Variants in NRXN3 observed in about 807,000 individuals in gnomAD.
NRXN3 encodes the protein neurexin 3.
NRXN3 carries 32 observed loss-of-function variants against 137.6 expected under a neutral mutation model. That is an observed-to-expected ratio of 0.23 (90% confidence interval 0.18 to 0.31). The LOEUF is 0.31. Ranked by LOEUF, NRXN3 falls within the 10% of genes least tolerant of loss-of-function variation. The probability of loss-of-function intolerance (pLI) is 1.00; values close to 1 mark genes in which losing one functional copy is unlikely to be tolerated. For missense variants in NRXN3, 1,574 were observed against 2,062.5 expected (o/e 0.76, Z 4.59); for synonymous variants, 798 against 784.5 (o/e 1.02, Z -0.29).
chr14:79,367,143 C>G (rs1301399159), intron 15 of NRXN3, among the ~76,000 whole-genome samples: 1 of 152,052 alleles, frequency 6.6e-6, no homozygotes, highest in Non-Finnish European at 1.5e-5. Context: ...ACCACCACGC[C>G]TAGCTTATTT....
chr14:79,494,489 C>T (rs187049482), intron 16 of NRXN3, among the ~76,000 whole-genome samples: 2 of 152,218 alleles, frequency 1.3e-5, no homozygotes, highest in Admixed American at 6.5e-5. Flanking sequence ...CCTCCAACAC[C>T]GTCTTTCTTA....
intron 15 of NRXN3, among the ~76,000 whole-genome samples, chr14:79,404,599 A>G (rs533656305): frequency 6.6e-6 from 1 of 152,264 alleles, no homozygotes; most frequent in East Asian, 1.9e-4. Context: ...AATGGATTTA[A>G]ACTAGGGGCA....
chr14:78,308,267 T>C (rs1433529662), intron 4 of NRXN3, among the ~76,000 whole-genome samples: 1 of 152,132 alleles, frequency 6.6e-6, no homozygotes, highest in African/African-American at 2.4e-5. Flanking sequence ...GCCTTTTAAA[T>C]GGTTGCTAAT....
At chr14:79,471,680 T>G (rs2096509732) in intron 16 of NRXN3, among the ~76,000 whole-genome samples, 1 of 152,130 alleles carries the variant, frequency 6.6e-6, no homozygotes, top group African/African-American at 2.4e-5. Context: ...AAAGTGGCCA[T>G]GGCTAGTTTG....
intron 19 of NRXN3, among the ~76,000 whole-genome samples, chr14:79,769,042 A>G (rs1354382183): frequency 3.9e-5 from 6 of 151,930 alleles, no homozygotes; most frequent in African/African-American, 1.5e-4. Flanking sequence ...GATGAAATGA[A>G]TGAAATGAAG....
At chr14:79,499,251 C>G (rs2153669224) in intron 16 of NRXN3, among the ~76,000 whole-genome samples, 1 of 152,324 alleles carries the variant, frequency 6.6e-6, no homozygotes, top group African/African-American at 2.4e-5. Flanking sequence ...TACCACTTTC[C>G]TCCACATCTA....
chr14:79,240,592 C>G (rs573080220), intron 15 of NRXN3, among the ~76,000 whole-genome samples: 1 of 152,280 alleles, frequency 6.6e-6, no homozygotes, highest in South Asian at 2.1e-4. Context: ...AAAGAATAAA[C>G]TCAATGCACA....
At chr14:78,597,691 G>C (rs1480887958) in intron 4 of NRXN3, among the ~76,000 whole-genome samples, 1 of 152,202 alleles carries the variant, frequency 6.6e-6, no homozygotes, top group Non-Finnish European at 1.5e-5. Context: ...ATGGACTGGG[G>C]ATGGCTTTTC....
chr14:79,019,407 GAGAT>G (rs1268821405), intron 15 of NRXN3, among the ~76,000 whole-genome samples: 1 of 152,166 alleles, frequency 6.6e-6, no homozygotes, highest in African/African-American at 2.4e-5. Context: ...TTCAGTGAGA[GAGAT>G]AGTCAATAAA....
In NRXN3 at chr14:79,112,538, A is replaced by G. The variant is rs889062102; in HGVS notation, c.3262+124397A>G. Among the ~76,000 whole-genome samples, 93 of 152,238 alleles carry G rather than the reference A, an allele frequency of 6.1e-4. 2 individuals carry two copies. Among genetic ancestry groups the G allele is most frequent in the Middle Eastern group, 3.2e-3 (1 of 316 alleles). ...AATGAATAAACTAGGACACGGGATT[A>G]ATGTAAAGAACTGGCATCTTTGCTG... On this transcript the variant is annotated intron_variant, in intron 15 of 20. Coordinates refer to ENST00000335750, the MANE Select transcript of NRXN3 (RefSeq NM_001330195.2).
intron 4 of NRXN3, among the ~76,000 whole-genome samples, chr14:78,452,219 T>C (rs935023924): frequency 6.6e-6 from 1 of 152,208 alleles, no homozygotes; most frequent in Non-Finnish European, 1.5e-5. Flanking sequence ...GTTACTTGGC[T>C]CAAGTCTCAG....
At chr14:79,349,394 C>G (rs2093076403) in intron 15 of NRXN3, among the ~76,000 whole-genome samples, 1 of 151,612 alleles carries the variant, frequency 6.6e-6, no homozygotes, top group African/African-American at 2.4e-5. Flanking sequence ...GAACCCATTT[C>G]CAGAAAACGA....
intron 15 of NRXN3, among the ~76,000 whole-genome samples, chr14:79,262,074 G>T (rs969533447): frequency 1.3e-5 from 2 of 152,042 alleles, no homozygotes; most frequent in African/African-American, 2.4e-5. Context: ...GAAATGTGGA[G>T]GCTTGGAATG....
At chr14:78,240,173 A>G (rs2066898668) in intron 1 of NRXN3, among the ~76,000 whole-genome samples, 1 of 152,206 alleles carries the variant, frequency 6.6e-6, no homozygotes, top group Non-Finnish European at 1.5e-5. Flanking sequence ...ATGAGTTGGC[A>G]CCAGCATACT....
chr14:78,366,751 T>A (rs1278744036), intron 4 of NRXN3, among the ~76,000 whole-genome samples: 1 of 152,206 alleles, frequency 6.6e-6, no homozygotes, highest in Non-Finnish European at 1.5e-5. Flanking sequence ...GAGAACAGCA[T>A]GGAAAAGACC....
intron 15 of NRXN3, among the ~76,000 whole-genome samples, chr14:79,427,019 A>G (rs1315039860): frequency 1.3e-5 from 2 of 152,026 alleles, no homozygotes; most frequent in African/African-American, 4.8e-5. Context: ...GGGGTTGAAT[A>G]TTTTTCACTA....
intron 10 of NRXN3, among the ~76,000 whole-genome samples, chr14:78,867,676 A>G (rs2099090632): frequency 6.6e-6 from 1 of 152,156 alleles, no homozygotes; most frequent in African/African-American, 2.4e-5. Context: ...GAATGTCCTT[A>G]TCTCTGAAAA....
chr14:78,800,815 T>C (rs2098836591), intron 8 of NRXN3, among the ~76,000 whole-genome samples: 1 of 152,214 alleles, frequency 6.6e-6, no homozygotes, highest in South Asian at 2.1e-4. Flanking sequence ...GTTTTTCTCT[T>C]TTGTTCACTG....
At chr14:78,574,514 C>A (rs906249638) in intron 4 of NRXN3, among the ~76,000 whole-genome samples, 2 of 152,236 alleles carry the variant, frequency 1.3e-5, no homozygotes, top group Non-Finnish European at 2.9e-5. Context: ...GGATGTTAGA[C>A]ACAGAGTCAA....
Sources: allele counts gnomAD v4.1 joint callset (sites outside exome capture counted in the v4.1 genomes callset), GRCh38; gene constraint gnomAD v4.1.1; transcripts MANE v1.5; gene names NCBI Gene and HGNC (gene_info 2026-07-23, HGNC 2026-07-21).